DHX37: variants seen among roughly 807,000 people sequenced by gnomAD.
DHX37 encodes the protein probable ATP-dependent RNA helicase DHX37.
Under a neutral mutation model 134.3 loss-of-function variants are expected in DHX37, and 52 were observed. That is an observed-to-expected ratio of 0.39 (90% confidence interval 0.31 to 0.49). The LOEUF (loss-of-function observed/expected upper bound fraction) is 0.49, where lower values mean the gene tolerates loss of function less well. Ranked by LOEUF, DHX37 falls within the 20% of genes least tolerant of loss-of-function variation. DHX37 has a pLI of 0.93. For missense variants in DHX37, 1,344 were observed against 1,580.8 expected, an observed-to-expected ratio of 0.85 and a Z score of 2.54; for synonymous variants, 634 against 670.7, an observed-to-expected ratio of 0.95 and a Z score of 0.85.
intron 13 of DHX37, 56 bp from the exon 14 acceptor site, chr12:124,965,062 G>A (rs1280892609): frequency 6.4e-7 from 1 of 1,551,282 alleles, no homozygotes; most frequent in Non-Finnish European, 8.7e-7. Flanking sequence ...CCCACAGGCA[G>A]GAGCTGGCCA....
At position 124,952,443 on chromosome 12, in the gene DHX37, G is replaced by C; in HGVS notation, c.2823C>G (p.Val941=). The C allele has an allele frequency of 6.2e-7, 1 of 1,611,202 alleles. No individual in the cohort carries two copies. Among genetic ancestry groups the C allele is most frequent in the Non-Finnish European group, 8.5e-7 (1 of 1,179,530 alleles). ...TGTCCTCCAGCATCTCCTCGCTCTG[G>C]ACCCTGCGGGCCAAGTGGTCCCCCA... ...AGLGDHLARR[V]QSEEMLEDKW... is the part of the protein sequence containing the mutation. Residue 941 remains valine, a synonymous_variant, in exon 21 of 27, where the codon GTC becomes GTG. Transcript: ENST00000308736.
intron 10 of DHX37, 108 bp downstream of exon 10, chr12:124,968,426 G>T: frequency 1.3e-6 from 2 of 1,540,756 alleles, no homozygotes; most frequent in South Asian, 2.5e-5. Flanking sequence ...GCCTGGCAGG[G>T]TCAAGGGACT....
At chr12:124,984,057 G>A (rs1458299711) in intron 2 of DHX37, among the ~76,000 whole-genome samples, 1 of 152,152 alleles carries the variant, frequency 6.6e-6, no homozygotes, top group East Asian at 1.9e-4. Context: ...GCATCCCATG[G>A]CTCCACCCGC....
At chr12:124,974,502 G>A (rs1315321683) in intron 6 of DHX37, among the ~76,000 whole-genome samples, 1 of 148,896 alleles carries the variant, frequency 6.7e-6, no homozygotes. Context: ...GCTGACCCGG[G>A]GGCCGGTGGC....
rs1245392547 is a variant in DHX37 at position 124,980,957 on chromosome 12, A to G, written c.390-119T>C. On this transcript the variant is annotated intron_variant, in intron 3 of 26. Transcript: ENST00000308736. The surrounding 1 kb of genome is among the most constrained non-coding windows in gnomAD (Gnocchi z 5.3). ...TTGCACCTGCTGTTCCACTCCCTGA[A>G]ATGCCCTTCCTGCAGATACCTCCTC... 8.7e-7 allele frequency: 1 copy of G among 1,146,940 alleles called. No individual in the cohort carries two copies. The highest frequency in any genetic ancestry group is 1.6e-5 in the African/African-American group (1 of 63,540). 71.0% of individuals were successfully genotyped at this position (1,146,940 alleles called of 1,614,324 possible). A position where few individuals can be genotyped will look rare whatever the true frequency, so the allele number is the denominator to read the frequency against.
Position 124,949,823 on chromosome 12 carries a change from G to A in DHX37, c.3290+163C>T, listed in dbSNP as rs573720375. Among the ~76,000 whole-genome samples the A allele has an allele frequency of 1.3e-5, 2 of 152,278 alleles. No individual in the cohort carries two copies. Among genetic ancestry groups the A allele is most frequent in the East Asian group, 1.9e-4 (1 of 5,182 alleles). ...GAGGCAAGACGGACCCTCCCCGAGA[G>A]CCGCTGCACAGACCGTGGCTCTGCA... On this transcript the variant is annotated intron_variant, in intron 25 of 26. Coordinates refer to ENST00000308736, the MANE Select transcript of DHX37 (RefSeq NM_032656.4). This position sits in a 1 kb window ranked among gnomAD's most constrained non-coding sequence, Gnocchi z 4.0.
intron 1 of DHX37, among the ~76,000 whole-genome samples, chr12:124,988,079 C>T (rs1954908972): frequency 1.3e-5 from 2 of 148,816 alleles, no homozygotes; most frequent in Middle Eastern, 3.3e-3. Flanking sequence ...CTGCAACCTC[C>T]GTATCCTGGG....
intron 4 of DHX37, among the ~76,000 whole-genome samples, chr12:124,978,032 C>T (rs1954679686): frequency 1.3e-5 from 2 of 152,194 alleles, no homozygotes; most frequent in African/African-American, 4.8e-5. Flanking sequence ...GCGATCTCGG[C>T]TCACTGCAAC....
chr12:124,979,654 G>A (rs1207737050), intron 4 of DHX37, among the ~76,000 whole-genome samples: 2 of 152,178 alleles, frequency 1.3e-5, no homozygotes, highest in East Asian at 1.9e-4. Flanking sequence ...GACAGGATAC[G>A]AATAGGGAAA....
intron 9 of DHX37, 66 bp downstream of exon 9, chr12:124,968,801 G>A: frequency 6.2e-7 from 1 of 1,603,866 alleles, no homozygotes; most frequent in South Asian, 1.1e-5. Flanking sequence ...GTCTCTCAGG[G>A]GGCTCCCGAC....
At position 124,949,976 on chromosome 12, in the gene DHX37, A is replaced by C. The variant is rs1342018760; in HGVS notation, c.3290+10T>G. The C allele has an allele frequency of 2.5e-6, 4 of 1,604,844 alleles. No homozygotes were observed. Among genetic ancestry groups the C allele is most frequent in the Middle Eastern group, 1.7e-4 (1 of 6,058 alleles). The stretch of plus-strand genomic sequence containing the variant: ...CCTGCCCACTGCGAGGCTCCCACCG[A>C]AGGCAGTACCTGGCCCACGTCTTCA... On this transcript the variant is annotated intron_variant, in intron 25 of 26. Coordinates refer to ENST00000308736, the MANE Select transcript of DHX37 (RefSeq NM_032656.4). This position sits in a 1 kb window ranked among gnomAD's most constrained non-coding sequence, Gnocchi z 4.0.
chr12:124,985,116 C>G (rs573803603), intron 2 of DHX37, among the ~76,000 whole-genome samples: 1 of 152,286 alleles, frequency 6.6e-6, no homozygotes, highest in South Asian at 2.1e-4. Context: ...ACCGCCCTGC[C>G]AATACCTTGA....
intron 12 of DHX37, among the ~76,000 whole-genome samples, chr12:124,966,072 A>G (rs1031775988): frequency 1.3e-5 from 2 of 152,178 alleles, no homozygotes; most frequent in Non-Finnish European, 2.9e-5. Context: ...TGCCTGACAC[A>G]TCGGTAGTGC....
rs1216407294 is a variant in DHX37 at position 124,977,519 on chromosome 12, G to C, written c.739-29C>G. Reference sequence around the variant, plus strand: ...GAAGGAGAGGAAGTCAGCACTTAGGGAGCAGCAAGACTATAGACAGTGATG... The same window carrying C: ...GAAGGAGAGGAAGTCAGCACTTAGGCAGCAGCAAGACTATAGACAGTGATG... On this transcript the variant is annotated intron_variant, in intron 4 of 26. Coordinates refer to ENST00000308736, the MANE Select transcript of DHX37 (RefSeq NM_032656.4). The C allele has an allele frequency of 1.9e-6, 3 of 1,574,254 alleles. No homozygotes were observed. The African/African-American group carries it at 4.1e-5, about 21-fold the overall frequency.
At chr12:124,959,824 T>C (rs1566330250) in intron 16 of DHX37, among the ~76,000 whole-genome samples, 1 of 152,246 alleles carries the variant, frequency 6.6e-6, no homozygotes, top group Non-Finnish European at 1.5e-5. Flanking sequence ...TGTGTGTCCC[T>C]GGACAAAAAC....
chr12:124,949,193 C>A lies in DHX37; in HGVS notation c.3290+793G>T, dbSNP rs1300674527. 1.3e-5 allele frequency among the ~76,000 whole-genome samples: 2 copies of A among 152,164 alleles called. No individual in the cohort carries two copies. The highest frequency in any genetic ancestry group is 2.9e-5 in the Non-Finnish European group (2 of 68,030). On this transcript the variant is annotated intron_variant, in intron 25 of 26. Transcript: ENST00000308736. The surrounding 1 kb of genome is among the most constrained non-coding windows in gnomAD (Gnocchi z 4.0). ...CCCCGAGAACATGCCTGGGACAGGG[C>A]CACACTGGAAAACGTGAGCTGAGTG... is the stretch of plus-strand genomic sequence containing the variant.
intron 11 of DHX37, 89 bp from the exon 12 acceptor site, chr12:124,966,967 C>T: frequency 6.4e-7 from 1 of 1,552,064 alleles, no homozygotes; most frequent in South Asian, 1.1e-5. Flanking sequence ...CATGGCCACT[C>T]AGTGGTGGCC....
intron 19 of DHX37, 28 bp from the exon 20 acceptor site, chr12:124,954,024 C>T (rs1350817826): frequency 6.2e-7 from 1 of 1,613,322 alleles, no homozygotes; most frequent in Non-Finnish European, 8.5e-7. Context: ...GGCATGCTCT[C>T]TCTCTGACCC....
intron 5 of DHX37, among the ~76,000 whole-genome samples, chr12:124,976,874 C>G: frequency 6.7e-6 from 1 of 148,362 alleles, no homozygotes; most frequent in African/African-American, 2.5e-5. Context: ...AAAAGAAACC[C>G]TGTCTCTACT....
Sources: gnomAD v4.1 joint callset for allele counts (sites outside exome capture counted in the v4.1 genomes callset) on GRCh38, gnomAD v4.1.1 for gene constraint, Gnocchi (gnomAD v3.1) non-coding constraint, MANE v1.5 for transcripts, NCBI Gene and HGNC (gene_info 2026-07-23, HGNC 2026-07-21) for gene names.